Variants in PIK3C2G observed in about 807,000 individuals in gnomAD.
The protein encoded by PIK3C2G is phosphatidylinositol-4-phosphate 3-kinase catalytic subunit type 2 gamma.
PIK3C2G carries 168 observed loss-of-function variants against 181.1 expected under a neutral mutation model. That is an observed-to-expected ratio of 0.93 (90% CI 0.82 to 1.05). The LOEUF is 1.05. Among genes scored for constraint, PIK3C2G ranks in the 50% least tolerant of loss-of-function variants. The pLI, the probability that PIK3C2G is intolerant of heterozygous loss-of-function variation, is 0.00. For missense variants in PIK3C2G, 1,869 were observed against 1,732.8 expected (o/e 1.08, Z -1.40); for synonymous variants, 573 against 592.2 (o/e 0.97, Z 0.47).
chr12:18,384,787 G>A (rs1943063047), intron 14 of PIK3C2G, among the ~76,000 whole-genome samples: 1 of 152,142 alleles, frequency 6.6e-6, no homozygotes, highest in Non-Finnish European at 1.5e-5. Flanking sequence ...AAGTGGAAGA[G>A]GGGCATGTAA....
intron 9 of PIK3C2G, among the ~76,000 whole-genome samples, chr12:18,339,029 G>A (rs574006122): frequency 1.3e-5 from 2 of 152,072 alleles, no homozygotes; most frequent in East Asian, 1.9e-4. Context: ...TATCTTTTGC[G>A]AATTTTGCAG....
chr12:18,415,735 T>A (rs1945138083), intron 16 of PIK3C2G, among the ~76,000 whole-genome samples: 1 of 152,204 alleles, frequency 6.6e-6, no homozygotes, highest in Admixed American at 6.5e-5. Flanking sequence ...GAAGTGCTAT[T>A]CCAGTGAAGA....
chr12:18,701,275 G>C, the PIK3C2G span, among the ~76,000 whole-genome samples: 4 of 151,958 alleles, frequency 2.6e-5, no homozygotes, highest in African/African-American at 9.7e-5. Flanking sequence ...ATGAGCCACC[G>C]TGCTCAGCCT....
chr12:18,572,443 A>G (rs1261100895), intron 29 of PIK3C2G, among the ~76,000 whole-genome samples: 1 of 149,800 alleles, frequency 6.7e-6, no homozygotes, highest in African/African-American at 2.4e-5. Flanking sequence ...TTATATAGGT[A>G]GCTATATCCA....
chr12:18,261,042 A>C (rs2136993640), upstream of PIK3C2G, among the ~76,000 whole-genome samples: 1 of 152,258 alleles, frequency 6.6e-6, no homozygotes, highest in East Asian at 1.9e-4. Flanking sequence ...TTAGAAAAAA[A>C]TGAACTTATT....
chr12:18,441,171 C>A (rs542183526), intron 18 of PIK3C2G, among the ~76,000 whole-genome samples: 51 of 152,106 alleles, frequency 3.4e-4, no homozygotes, highest in South Asian at 1.0e-3. Context: ...GTGTCAAATG[C>A]TACTGGTAGG....
chr12:18,545,317 C>G (rs1333434028), intron 25 of PIK3C2G, among the ~76,000 whole-genome samples: 1 of 151,778 alleles, frequency 6.6e-6, no homozygotes, highest in Non-Finnish European at 1.5e-5. Flanking sequence ...GTTTTTATAC[C>G]ATTCTTTTTC....
rs1331307565 is a variant in PIK3C2G, at chr12:18,538,186, G to C, written c.3354G>C (p.Glu1118Asp). 1 of 1,611,704 alleles carries C rather than the reference G, an allele frequency of 6.2e-7. No individual in the cohort carries two copies. The part of the protein sequence containing the change: ...RDRAPFIFTS[E>D]MEYFITEGGK... ...GAGCTCCTTTCATTTTTACTTCAGAGATGGAATACTTTATTACAGAGGGTG... is the reference window on the plus strand; with the variant it reads ...GAGCTCCTTTCATTTTTACTTCAGACATGGAATACTTTATTACAGAGGGTG... The change falls in exon 25 of 33, where the codon GAG (glutamate) becomes GAC (aspartate). Residue 1118 changes from glutamate to aspartate, a missense_variant. Transcript: ENST00000538779.
chr12:18,382,949 T>C (rs1031700977), intron 14 of PIK3C2G, among the ~76,000 whole-genome samples: 9 of 152,150 alleles, frequency 5.9e-5, no homozygotes, highest in Non-Finnish European at 8.8e-5. Flanking sequence ...CAGAGGAAGA[T>C]TCGACCACGT....
chr12:18,501,129 G>A (rs934871004), intron 22 of PIK3C2G, among the ~76,000 whole-genome samples: 1 of 152,194 alleles, frequency 6.6e-6, no homozygotes, highest in Non-Finnish European at 1.5e-5. Context: ...AAGGTCCGCG[G>A]CTTCATTCTT....
At chr12:18,540,295 A>T (rs1166480864) in intron 25 of PIK3C2G, among the ~76,000 whole-genome samples, 1 of 151,918 alleles carries the variant, frequency 6.6e-6, no homozygotes, top group Non-Finnish European at 1.5e-5. Context: ...ACTACATGTG[A>T]GGAATAGTAC....
intron 18 of PIK3C2G, among the ~76,000 whole-genome samples, chr12:18,430,303 C>T (rs1202337693): frequency 1.3e-5 from 2 of 152,068 alleles, no homozygotes; most frequent in Non-Finnish European, 1.5e-5. Context: ...AAGAGAGAAC[C>T]AATTGGAATG....
At chr12:18,410,708 C>G (rs1944820026) in intron 16 of PIK3C2G, among the ~76,000 whole-genome samples, 1 of 151,906 alleles carries the variant, frequency 6.6e-6, no homozygotes, top group African/African-American at 2.4e-5. Flanking sequence ...GAACATAAGG[C>G]AATAAAAGAA....
At chr12:18,591,439 C>G (rs1947072994) in intron 29 of PIK3C2G, among the ~76,000 whole-genome samples, 1 of 151,698 alleles carries the variant, frequency 6.6e-6, no homozygotes, top group Non-Finnish European at 1.5e-5. Flanking sequence ...TTGTATTTTA[C>G]TAATATTAAC....
chr12:18,426,679 A>C (rs1945833482), intron 18 of PIK3C2G, among the ~76,000 whole-genome samples: 1 of 152,204 alleles, frequency 6.6e-6, no homozygotes, highest in Non-Finnish European at 1.5e-5. Context: ...GGAAAACAGC[A>C]AGTCAATATC....
intron 20 of PIK3C2G, among the ~76,000 whole-genome samples, 192 bp from the exon 21 acceptor site, chr12:18,495,870 C>A (rs1592407404): frequency 6.6e-6 from 1 of 152,038 alleles, no homozygotes; most frequent in Non-Finnish European, 1.5e-5. Flanking sequence ...GTAAAGGCTC[C>A]AGTTGATGGA....
the PIK3C2G span, among the ~76,000 whole-genome samples, chr12:18,669,230 G>A: frequency 2.6e-5 from 4 of 152,146 alleles, no homozygotes; most frequent in Non-Finnish European, 5.9e-5. Context: ...CTAGTAGGTA[G>A]CAAAGGACAT....
At chr12:18,659,663 C>CTTTT in the PIK3C2G span, among the ~76,000 whole-genome samples, 11,996 of 133,664 alleles carry the variant, frequency 0.09, 567 homozygotes, top group Non-Finnish European at 0.11. Flanking sequence ...GTTCTCCATT[C>CTTTT]TTTTTTTTTT....
chr12:18,333,196 T>A (rs1938160545), intron 8 of PIK3C2G, among the ~76,000 whole-genome samples: 1 of 152,154 alleles, frequency 6.6e-6, no homozygotes. Flanking sequence ...TGACCTTAGA[T>A]CTCAGCGGGG....
Sources: allele counts gnomAD v4.1 joint callset (sites outside exome capture counted in the v4.1 genomes callset), GRCh38; gene constraint gnomAD v4.1.1; transcripts MANE v1.5; gene names NCBI Gene and HGNC (gene_info 2026-07-23, HGNC 2026-07-21).